The following MROH2A variants were observed in gnomAD, a reference collection of about 807,000 sequenced individuals.
MROH2A encodes maestro heat like repeat family member 2A.
In MROH2A, 174 loss-of-function variants were observed where a neutral mutation model predicts 200.4. That is an observed-to-expected ratio of 0.87 (90% CI 0.77 to 0.98). The LOEUF (loss-of-function observed/expected upper bound fraction) is 0.98, where lower values mean the gene tolerates loss of function less well. Ranked by LOEUF, MROH2A falls within the 50% of genes least tolerant of loss-of-function variation. MROH2A has a pLI of 0.00. For synonymous variants in MROH2A, 829 were observed against 840.4 expected (o/e 0.99, Z 0.23); for missense variants, 2,045 against 2,139.6 (o/e 0.96, Z 0.87).
chr2:233,814,444 A>G, intron 25 of MROH2A, 138 bp from the exon 26 acceptor site: 1 of 601,250 alleles, frequency 1.7e-6, no homozygotes, highest in Non-Finnish European at 3.0e-6. Flanking sequence ...TCACTTGAGA[A>G]AATAAGTGTC....
chr2:233,804,964 G>A, intron 18 of MROH2A, 40 bp from the exon 19 acceptor site: 1 of 1,237,754 alleles, frequency 8.1e-7, no homozygotes, highest in Non-Finnish European at 1.2e-6. Context: ...CAAGGATGAA[G>A]GCCTTTGGCC....
At position 233,789,714 on chromosome 2, in the gene MROH2A, C is replaced by T. The variant is rs1382331718; in HGVS notation, c.408+86C>T. The T allele has an allele frequency of 2.8e-6, 4 of 1,453,550 alleles. No homozygotes were observed. In the African/African-American group the frequency reaches 4.3e-5, roughly 16 times the overall value. 90.0% of individuals were successfully genotyped at this position (1,453,550 alleles called of 1,614,324 possible). A position where few individuals can be genotyped will look rare whatever the true frequency, so the allele number is the denominator to read the frequency against. ...GGCCTGGCCCAGGATGCCCACAGCC[C>T]TGTGCAGTTACCTCTCAGAGCAGGG... On this transcript the variant is annotated intron_variant, in intron 4 of 41. Coordinates refer to ENST00000389758, the MANE Select transcript of MROH2A (RefSeq NM_001394639.1).
rs1342941218 is a variant in MROH2A at position 233,807,821 on chromosome 2, A to G, written c.2261A>G (p.Glu754Gly). The change falls in exon 21 of 42, where the codon GAG becomes GGG. Residue 754 changes from glutamate (E) to glycine (G), a missense_variant. Physicochemically the swap from Glu to Gly is moderately conservative, Grantham distance 98 (BLOSUM62 -2). This residue lies in a region of MROH2A where 1,201 missense variants were observed against 1,311.3 expected (regional missense o/e 0.92). Transcript: ENST00000389758. This position sits in a 1 kb window ranked among gnomAD's most constrained non-coding sequence, Gnocchi z 4.3. ...VLHDFEERIQ[E>G]SEQSWQISAW... ...CATGACTTCGAGGAGAGGATCCAGG[A>G]GTCAGAGCAGTCCTGGCAGATCAGT... is the stretch of plus-strand genomic sequence containing the variant. The G allele has an allele frequency of 3.2e-6, 5 of 1,550,860 alleles. No individual in the cohort carries two copies. Among genetic ancestry groups the G allele is most frequent in the South Asian group, 2.4e-5 (2 of 84,068 alleles).
In MROH2A at chr2:233,829,082, A is replaced by G. The variant is rs1704535562; in HGVS notation, c.4446+10A>G. On this transcript the variant is annotated intron_variant, in intron 37 of 41. Transcript: ENST00000389758. ...GATCTTCTTCGACAACGTGAGTCCG[A>G]TGAGAGCCTCCCTGAGCTTGCTCAG... 2.0e-6 allele frequency: 3 copies of G among 1,500,752 alleles called. No homozygotes were observed. Among genetic ancestry groups the G allele is most frequent in the South Asian group, 2.6e-5 (2 of 75,608 alleles). 93.0% of individuals were successfully genotyped at this position (1,500,752 alleles called of 1,614,324 possible). A position where few individuals can be genotyped will look rare whatever the true frequency, so the allele number is the denominator to read the frequency against.
At chr2:233,821,068 A>G (rs560056104) in intron 31 of MROH2A, among the ~76,000 whole-genome samples, 11 of 152,338 alleles carry the variant, frequency 7.2e-5, no homozygotes, top group Non-Finnish European at 1.5e-4. Context: ...TTGGTTTGCT[A>G]TTGCTGAATA....
chr2:233,796,384 G>A (rs1702114864), intron 11 of MROH2A, 71 bp downstream of exon 11: 3 of 1,025,010 alleles, frequency 2.9e-6, no homozygotes, highest in South Asian at 3.1e-5. Flanking sequence ...AGGGAGGCAA[G>A]TTTCATTCAT....
Position 233,818,126 on chromosome 2 carries a change from G to T in MROH2A, c.3085+1G>T. On this transcript the variant is annotated splice_donor_variant, in intron 28 of 41. Coordinates refer to ENST00000389758, the MANE Select transcript of MROH2A (RefSeq NM_001394639.1). LOFTEE classifies it high-confidence loss of function. ...CTGTCCAGCCTGCTAGATCTTCACGGTATGAGAGGGCAGGACATGAGGACC... is the reference window on the plus strand; with the variant it reads ...CTGTCCAGCCTGCTAGATCTTCACGTTATGAGAGGGCAGGACATGAGGACC... 1 of 1,550,384 alleles carries T rather than the reference G, an allele frequency of 6.5e-7. No homozygotes were observed.
intron 22 of MROH2A, 137 bp downstream of exon 22, chr2:233,809,415 C>A: frequency 1.0e-6 from 1 of 961,346 alleles, no homozygotes; most frequent in Non-Finnish European, 1.5e-6. Context: ...ACGTGGGAAG[C>A]CCATTGCCCA....
At position 233,792,315 on chromosome 2, in the gene MROH2A, C is replaced by CCT. The variant is rs1553630809; in HGVS notation, c.572-481_572-480insCT. On this transcript the variant is annotated intron_variant, in intron 5 of 41. Coordinates refer to ENST00000389758, the MANE Select transcript of MROH2A (RefSeq NM_001394639.1). ...TCCTGTGTCACCTGCTTCTAGCTCACTTTTTTTTTTTTTTTGAGATGGAGT... is the reference window on the plus strand; with the variant it reads ...TCCTGTGTCACCTGCTTCTAGCTCACCTTTTTTTTTTTTTTTTGAGATGGAGT... Among the ~76,000 whole-genome samples the CCT allele has an allele frequency of 3.5e-5, 5 of 141,240 alleles. No individual in the cohort carries two copies. The East Asian group carries it at 1.0e-3, about 29-fold the overall frequency. The allele number at this position is 141,240 out of a possible 152,430, so 92.7% of individuals were successfully genotyped here.
rs1704475689 is a variant in MROH2A, at chr2:233,828,525, T to C, written c.4114-105T>C. 7 of 1,392,676 alleles carry C rather than the reference T, an allele frequency of 5.0e-6. No individual in the cohort carries two copies. Among genetic ancestry groups the C allele is most frequent in the Non-Finnish European group, 6.8e-6 (7 of 1,034,766 alleles). 86.3% of individuals were successfully genotyped at this position (1,392,676 alleles called of 1,614,324 possible). A position where few individuals can be genotyped will look rare whatever the true frequency, so the allele number is the denominator to read the frequency against. ...GAGGCTCTCAGAGCCCCTCCCCTCC[T>C]GTCCACAGAGCCACCAATCTGCATT... On this transcript the variant is annotated intron_variant, in intron 35 of 41. Transcript: ENST00000389758. This position sits in a 1 kb window ranked among gnomAD's most constrained non-coding sequence, Gnocchi z 4.6.
At chr2:233,796,771 G>T (rs953759467) in intron 11 of MROH2A, among the ~76,000 whole-genome samples, 1 of 152,184 alleles carries the variant, frequency 6.6e-6, no homozygotes, top group African/African-American at 2.4e-5. Flanking sequence ...TTTGAAGAAG[G>T]CCCCTGTTGA....
chr2:233,805,151 A>C, intron 19 of MROH2A, 40 bp downstream of exon 19: 1 of 1,391,684 alleles, frequency 7.2e-7, no homozygotes, highest in Non-Finnish European at 9.9e-7. Flanking sequence ...GACAAGGAGT[A>C]GACTCCAGGG....
At position 233,832,182 on chromosome 2, in the gene MROH2A, GA is replaced by G. The variant is rs35859448; in HGVS notation, c.4745del (p.Lys1582SerfsTer10). 1 of 1,550,230 alleles carries G rather than the reference GA, an allele frequency of 6.5e-7. No individual in the cohort carries two copies. The highest frequency in any genetic ancestry group is 1.7e-4 in the Middle Eastern group (1 of 5,990). Reference protein sequence around the residue: ...QTTMCSILTRKKPAVLYRFLL... With the variant: ...QTTMCSILTRXKPAVLYRFLL... The stretch of plus-strand genomic sequence containing the variant: ...GTATCACTTACTTTTTGCAGACTCG[GA>G]AAAAGCCGGCTGTTCTCTACCGCTT... On this transcript the variant is annotated frameshift_variant, in exon 40 of 42. Coordinates refer to ENST00000389758, the MANE Select transcript of MROH2A (RefSeq NM_001394639.1). LOFTEE classifies it high-confidence loss of function.
chr2:233,832,522 G>A (rs1316794004), intron 40 of MROH2A, 57 bp from the exon 41 acceptor site: 3 of 1,316,228 alleles, frequency 2.3e-6, no homozygotes, highest in South Asian at 2.5e-5. Flanking sequence ...ACCACAGGAC[G>A]ACTTGCCTGC....
chr2:233,831,383 T>C, intron 38 of MROH2A, 26 bp from the exon 39 acceptor site: 1 of 1,533,330 alleles, frequency 6.5e-7, no homozygotes. Flanking sequence ...GGCTGATGGC[T>C]CTGCTGCCGT....
In MROH2A at chr2:233,796,196, G is replaced by A; in HGVS notation, c.1139-4G>A. The A allele has an allele frequency of 6.5e-7, 1 of 1,548,176 alleles. No individual in the cohort carries two copies. The highest frequency in any genetic ancestry group is 8.7e-7 in the Non-Finnish European group (1 of 1,145,152). ...ATGACTAAAGCTGTCCTTCCACCCT[G>A]CAGCTCGCTCCTACCCCAAGGAGCT... On this transcript the variant is annotated splice_polypyrimidine_tract_variant and splice_region_variant and intron_variant, in intron 10 of 41. Coordinates refer to ENST00000389758, the MANE Select transcript of MROH2A (RefSeq NM_001394639.1).
intron 33 of MROH2A, 39 bp downstream of exon 33, chr2:233,822,595 G>A: frequency 6.5e-7 from 1 of 1,535,432 alleles, no homozygotes; most frequent in South Asian, 1.2e-5. Flanking sequence ...AGCAGGCCTG[G>A]GCTGGCTGTA....
At chr2:233,826,476 A>T (rs1352386513) in intron 35 of MROH2A, among the ~76,000 whole-genome samples, 1 of 152,244 alleles carries the variant, frequency 6.6e-6, no homozygotes, top group Non-Finnish European at 1.5e-5. Flanking sequence ...TGGGGAAAGG[A>T]TTCCATATTT....
intron 29 of MROH2A, 71 bp from the exon 30 acceptor site, chr2:233,819,246 A>G: frequency 7.0e-7 from 1 of 1,437,380 alleles, no homozygotes; most frequent in Non-Finnish European, 9.4e-7. Context: ...GGGGTGGGAC[A>G]GGGGAGGAGA....
Sources: allele counts gnomAD v4.1 joint callset (sites outside exome capture counted in the v4.1 genomes callset), GRCh38; gene constraint gnomAD v4.1.1; regional missense constraint gnomAD v4.1.1; non-coding constraint Gnocchi (gnomAD v3.1); transcripts MANE v1.5; gene names NCBI Gene and HGNC (gene_info 2026-07-23, HGNC 2026-07-21).